ABRACL: variants seen among roughly 807,000 people sequenced by gnomAD.
The protein encoded by ABRACL is ABRA C-terminal like.
ABRACL carries 4 observed loss-of-function variants against 7.0 expected under a neutral mutation model. The ratio of observed to expected loss-of-function variants is 0.57; its 90% confidence interval spans 0.28 to 1.30. The LOEUF (loss-of-function observed/expected upper bound fraction) is 1.30, where lower values mean the gene tolerates loss of function less well. ABRACL is among the 50% of genes most tolerant of loss of function. The pLI is 0.10. For synonymous variants in ABRACL, 30 were observed against 36.0 expected (o/e 0.83, Z 0.60); for missense variants, 104 against 97.3 (o/e 1.07, Z -0.29).
intron 1 of ABRACL, among the ~76,000 whole-genome samples, chr6:139,029,391 A>G (rs1786043577): frequency 6.6e-6 from 1 of 151,962 alleles, no homozygotes; most frequent in Non-Finnish European, 1.5e-5. Context: ...AGCCCGGGGC[A>G]GGGTCCGTTT....
chr6:139,041,437 C>A (rs1358816600), intron 2 of ABRACL, among the ~76,000 whole-genome samples: 2 of 65,650 alleles, frequency 3.0e-5, no homozygotes, highest in Non-Finnish European at 6.8e-5. Flanking sequence ...CTCTCTCTCT[C>A]TCTCTCTCTC....
Position 139,043,118 on chromosome 6 carries a change from C to A in ABRACL, c.*215C>A. ...AAATCCTATTATTTTTCTCAGGAAT[C>A]TGGTTAGGAATTGCAGGCAATGAGA... On this transcript the variant is annotated 3_prime_UTR_variant, in exon 3 of 3. Transcript: ENST00000367660. The A allele has an allele frequency of 2.8e-6, 1 of 362,348 alleles. No individual in the cohort carries two copies. Among genetic ancestry groups the A allele is most frequent in the Non-Finnish European group, 4.8e-6 (1 of 209,762 alleles). The allele number at this position is 362,348 out of a possible 1,614,324, so 22.4% of individuals were successfully genotyped here.
intron 1 of ABRACL, among the ~76,000 whole-genome samples, chr6:139,031,758 T>G (rs553281381): frequency 1.3e-5 from 2 of 152,326 alleles, no homozygotes; most frequent in African/African-American, 4.8e-5. Flanking sequence ...TGGGCTCAGC[T>G]ACGTCATGCC....
intron 1 of ABRACL, among the ~76,000 whole-genome samples, chr6:139,030,672 G>A (rs776058925): frequency 2.0e-5 from 3 of 152,196 alleles, no homozygotes; most frequent in Non-Finnish European, 4.4e-5. Context: ...GCCTTGGTAA[G>A]AGCTCAGCAT....
intron 2 of ABRACL, among the ~76,000 whole-genome samples, chr6:139,035,575 C>T (rs549882715): frequency 1.5e-4 from 23 of 152,056 alleles, no homozygotes; most frequent in Admixed American, 1.2e-3. Flanking sequence ...CTCCGCCTCC[C>T]GGGTTCAAGC....
At chr6:139,041,318 G>A (rs1343817461) in intron 2 of ABRACL, among the ~76,000 whole-genome samples, 1 of 150,352 alleles carries the variant, frequency 6.7e-6, no homozygotes, top group Non-Finnish European at 1.5e-5. Flanking sequence ...AGGCTAGAGT[G>A]CACTAGCACG....
chr6:139,031,780 A>C (rs1291748861), intron 1 of ABRACL, among the ~76,000 whole-genome samples: 13 of 152,124 alleles, frequency 8.5e-5, no homozygotes, highest in African/African-American at 3.1e-4. Context: ...CAAACCAATC[A>C]TTCTGGCCCT....
chr6:139,040,030 T>A (rs1420118240), intron 2 of ABRACL, among the ~76,000 whole-genome samples: 1 of 152,008 alleles, frequency 6.6e-6, no homozygotes, highest in African/African-American at 2.4e-5. Flanking sequence ...AGTTCGAGGT[T>A]GCAGTGAGCT....
Position 139,041,015 on chromosome 6 carries a change from A to AG in ABRACL, c.62-1701dup, listed in dbSNP as rs562882712. ...TTTACACAGGAGGAAGCCAAGGCTT[A>AG]GGGAGCTTTAAACAAGTTGCCCAAG... On this transcript the variant is annotated intron_variant, in intron 2 of 2. Transcript: ENST00000367660. 5.3e-5 allele frequency among the ~76,000 whole-genome samples: 8 copies of AG among 152,346 alleles called. No individual in the cohort carries two copies. The East Asian group carries it at 1.5e-3, about 29-fold the overall frequency.
chr6:139,033,604 T>C (rs953395426), intron 1 of ABRACL, among the ~76,000 whole-genome samples: 3 of 152,198 alleles, frequency 2.0e-5, no homozygotes, highest in Admixed American at 2.0e-4. Context: ...CTTCCTCCTG[T>C]GTAGAGTGCC....
chr6:139,042,487 G>A (rs1282952957), intron 2 of ABRACL, among the ~76,000 whole-genome samples: 1 of 152,156 alleles, frequency 6.6e-6, no homozygotes, highest in Non-Finnish European at 1.5e-5. Flanking sequence ...TGTAAATGTT[G>A]GTTCTCAGTC....
chr6:139,039,299 T>C (rs996219915), intron 2 of ABRACL, among the ~76,000 whole-genome samples: 11 of 152,190 alleles, frequency 7.2e-5, no homozygotes, highest in African/African-American at 2.7e-4. Context: ...ATTGGCAGTT[T>C]AATTATAATA....
intron 2 of ABRACL, chr6:139,034,576 G>A (rs1786127339): frequency 7.7e-6 from 5 of 645,452 alleles, no homozygotes; most frequent in African/African-American, 1.9e-5. Context: ...GCCTTGTTCT[G>A]CCATCATTTT....
chr6:139,040,908 T>G (rs9484230), intron 2 of ABRACL, among the ~76,000 whole-genome samples: 61,903 of 152,022 alleles, frequency 0.41, 14,096 homozygotes, highest in East Asian at 0.91. Flanking sequence ...TTGCTGATAC[T>G]CAGTGTGTGC....
intron 2 of ABRACL, among the ~76,000 whole-genome samples, chr6:139,041,451 C>CTCTCTCTCTA (rs140091253): frequency 0.025 from 2,742 of 109,980 alleles, 50 homozygotes; most frequent in Non-Finnish European, 0.039. Flanking sequence ...CTCTCTCTCT[C>CTCTCTCTCTA]TATATATATA....
intron 2 of ABRACL, 78 bp from the exon 3 acceptor site, chr6:139,042,641 A>T: frequency 7.3e-7 from 1 of 1,367,822 alleles, no homozygotes; most frequent in Non-Finnish European, 1.0e-6. Context: ...TAAATTTATT[A>T]AAGATTTTGT....
chr6:139,042,701 T>G lies in ABRACL; in HGVS notation c.62-18T>G. ...AAACAGACTTTGCATTTGCTAACAATGTATTTTCTCAAACTAGATGCTGAT... is the reference window on the plus strand; with the variant it reads ...AAACAGACTTTGCATTTGCTAACAAGGTATTTTCTCAAACTAGATGCTGAT... On this transcript the variant is annotated intron_variant, in intron 2 of 2. Transcript: ENST00000367660. 1 of 1,601,944 alleles carries G rather than the reference T, an allele frequency of 6.2e-7. No homozygotes were observed. The highest frequency in any genetic ancestry group is 8.5e-7 in the Non-Finnish European group (1 of 1,173,284).
chr6:139,030,162 C>CT (rs199994653), intron 1 of ABRACL, among the ~76,000 whole-genome samples: 11,278 of 147,328 alleles, frequency 0.077, 1,363 homozygotes, highest in African/African-American at 0.26. Context: ...TTGTTCTTTT[C>CT]TTTTTTTTTT....
chr6:139,032,455 C>T (rs1055972360), intron 1 of ABRACL, among the ~76,000 whole-genome samples: 3 of 152,158 alleles, frequency 2.0e-5, no homozygotes, highest in East Asian at 1.9e-4. Context: ...GAATATTTTG[C>T]GTTTTATTGC....
Sources: allele counts gnomAD v4.1 joint callset (sites outside exome capture counted in the v4.1 genomes callset), GRCh38; gene constraint gnomAD v4.1.1; transcripts MANE v1.5; gene names NCBI Gene and HGNC (gene_info 2026-07-23, HGNC 2026-07-21).